Variants in SND1 observed in about 807,000 individuals in gnomAD.
SND1 encodes staphylococcal nuclease domain-containing protein 1.
Under a neutral mutation model 121.7 loss-of-function variants are expected in SND1, and 38 were observed. The ratio of observed to expected loss-of-function variants is 0.31; its 90% CI spans 0.24 to 0.41. The LOEUF is 0.41. Ranked by LOEUF, SND1 falls within the 10% of genes least tolerant of loss-of-function variation. SND1 has a pLI of 1.00. For synonymous variants in SND1, 401 were observed against 447.4 expected, an observed-to-expected ratio of 0.90 and a Z score of 1.31; for missense variants, 868 against 1,184.6, an observed-to-expected ratio of 0.73 and a Z score of 3.92.
At chr7:127,959,773 G>T (rs758829102) in intron 15 of SND1, among the ~76,000 whole-genome samples, 12 of 152,134 alleles carry the variant, frequency 7.9e-5, no homozygotes, top group Non-Finnish European at 1.6e-4. Flanking sequence ...GAGGATTTTG[G>T]TCTGTTTTGT....
chr7:127,856,843 T>G (rs1213318759), intron 12 of SND1, among the ~76,000 whole-genome samples: 2 of 152,046 alleles, frequency 1.3e-5, no homozygotes, highest in Non-Finnish European at 2.9e-5. Flanking sequence ...TCACCTTTTC[T>G]TTTTTTTACA....
chr7:127,933,144 A>G (rs1018714226), intron 15 of SND1, among the ~76,000 whole-genome samples: 88 of 152,230 alleles, frequency 5.8e-4, no homozygotes, highest in African/African-American at 2.1e-3. Context: ...TTTAAGCTCT[A>G]AACTACCTGA....
At chr7:127,690,331 G>A (rs1587598224) in intron 2 of SND1, among the ~76,000 whole-genome samples, 1 of 152,112 alleles carries the variant, frequency 6.6e-6, no homozygotes, top group East Asian at 1.9e-4. Context: ...ACCCCTCTGG[G>A]ATGCCAAGCC....
chr7:128,028,522 T>G, intron 16 of SND1: 5 of 732,238 alleles, frequency 6.8e-6, no homozygotes, highest in Non-Finnish European at 8.4e-6. Context: ...TGTTTTGACT[T>G]TTTGTCTTTA....
chr7:127,837,473 A>C (rs763207671), intron 11 of SND1, among the ~76,000 whole-genome samples: 1 of 152,242 alleles, frequency 6.6e-6, no homozygotes, highest in Non-Finnish European at 1.5e-5. Flanking sequence ...GAACATACAC[A>C]TGTGGGTCTC....
chr7:127,801,084 G>A (rs1232456246), intron 10 of SND1, among the ~76,000 whole-genome samples: 3 of 152,126 alleles, frequency 2.0e-5, no homozygotes, highest in Non-Finnish European at 2.9e-5. Flanking sequence ...TGTCTTGCAC[G>A]TATGAGAATT....
intron 16 of SND1, chr7:128,028,641 A>ATT: frequency 6.4e-7 from 1 of 1,570,776 alleles, no homozygotes; most frequent in Non-Finnish European, 8.7e-7. Flanking sequence ...CTTTGTGTGC[A>ATT]TTCTATTGCA....
chr7:127,656,975 A>G (rs953189034), intron 1 of SND1, among the ~76,000 whole-genome samples: 10 of 152,258 alleles, frequency 6.6e-5, no homozygotes, highest in Admixed American at 1.3e-4. Flanking sequence ...GCTTTTAATC[A>G]AGATTGTAAG....
At chr7:127,764,038 CAA>C (rs60053474) in intron 10 of SND1, among the ~76,000 whole-genome samples, 6 of 76,488 alleles carry the variant, frequency 7.8e-5, no homozygotes, top group Non-Finnish European at 1.4e-4. Flanking sequence ...GACCCTGTCG[CAA>C]AAAAAAAAAA....
intron 10 of SND1, among the ~76,000 whole-genome samples, chr7:127,730,174 G>C (rs1796650061): frequency 6.6e-6 from 1 of 152,152 alleles, no homozygotes; most frequent in Non-Finnish European, 1.5e-5. Flanking sequence ...CTCCATGTTG[G>C]TTAGGCTGGT....
intron 16 of SND1, among the ~76,000 whole-genome samples, chr7:128,016,146 T>TC (rs1563089582): frequency 1.5e-5 from 2 of 136,262 alleles, no homozygotes; most frequent in Non-Finnish European, 3.2e-5. Flanking sequence ...AACAACTTCC[T>TC]TTTTTTTTTT....
At chr7:127,743,647 G>A (rs777251296) in intron 10 of SND1, among the ~76,000 whole-genome samples, 29 of 152,184 alleles carry the variant, frequency 1.9e-4, no homozygotes, top group Non-Finnish European at 3.7e-4. Flanking sequence ...AGGTGCTAGT[G>A]TTGATGGTGA....
intron 15 of SND1, among the ~76,000 whole-genome samples, chr7:127,970,593 A>G (rs529842421): frequency 3.9e-5 from 6 of 152,290 alleles, no homozygotes; most frequent in Non-Finnish European, 7.3e-5. Flanking sequence ...ACAGAATGGT[A>G]GTCAAACACA....
intron 10 of SND1, among the ~76,000 whole-genome samples, chr7:127,730,575 C>G (rs1158700259): frequency 6.6e-6 from 1 of 152,190 alleles, no homozygotes; most frequent in African/African-American, 2.4e-5. Context: ...ATCTGCTTAC[C>G]TCTGCTGTCC....
chr7:128,057,146 G>A (rs533235416), intron 16 of SND1, among the ~76,000 whole-genome samples: 39 of 152,214 alleles, frequency 2.6e-4, no homozygotes, highest in African/African-American at 9.2e-4. Context: ...TTCAGACAGC[G>A]GTTGACCACG....
At chr7:127,930,351 C>T (rs561626289) in intron 15 of SND1, among the ~76,000 whole-genome samples, 1 of 152,252 alleles carries the variant, frequency 6.6e-6, no homozygotes, top group South Asian at 2.1e-4. Flanking sequence ...GCCTTGGCCT[C>T]CTTTTCCTAG....
chr7:127,705,570 AAGATGTAGATGC>A (rs75625955), intron 8 of SND1, among the ~76,000 whole-genome samples: 17,358 of 146,066 alleles, frequency 0.12, 1,183 homozygotes, highest in African/African-American at 0.15. Flanking sequence ...TGTCAGCGTC[AAGATGTAGATGC>A]AGATGTAGAT....
rs116066463 is a variant in SND1, at chr7:127,971,280, A to G, written c.1670-19667A>G. Among the ~76,000 whole-genome samples, 376 of 152,370 alleles carry G rather than the reference A, an allele frequency of 2.5e-3. 2 individuals carry two copies. The highest frequency in any genetic ancestry group is 8.2e-3 in the African/African-American group (342 of 41,584). ...TAGAAAATGCCAGATAGATGAAGAA[A>G]GAAAAAGGTTTGTAACCAGCAAAGG... On this transcript the variant is annotated intron_variant, in intron 15 of 23. Coordinates refer to ENST00000354725, the MANE Select transcript of SND1 (RefSeq NM_014390.4).
chr7:127,700,195 G>GTACC (rs1346421877), intron 4 of SND1, among the ~76,000 whole-genome samples: 2 of 152,206 alleles, frequency 1.3e-5, no homozygotes, highest in Non-Finnish European at 2.9e-5. Flanking sequence ...CTCCCCTGGA[G>GTACC]TACCAGTCCT....
Sources: gnomAD v4.1 joint callset for allele counts (sites outside exome capture counted in the v4.1 genomes callset) on GRCh38, gnomAD v4.1.1 for gene constraint, MANE v1.5 for transcripts, NCBI Gene and HGNC (gene_info 2026-07-23, HGNC 2026-07-21) for gene names.